SH3RF1: variants seen among roughly 807,000 people sequenced by gnomAD.
The protein encoded by SH3RF1 is SH3 domain containing ring finger 1.
A neutral mutation model predicts 74.0 loss-of-function variants in SH3RF1; 32 were observed. The observed-to-expected ratio is 0.43, with a 90% CI of 0.33 to 0.58. The LOEUF (loss-of-function observed/expected upper bound fraction) is 0.58, where lower values mean the gene tolerates loss of function less well. SH3RF1 is among the 20% of genes least tolerant of loss of function. The pLI is 0.05. For missense variants in SH3RF1, 954 were observed against 1,130.9 expected (o/e 0.84, Z 2.24); for synonymous variants, 396 against 439.6 (o/e 0.90, Z 1.24).
intron 2 of SH3RF1, among the ~76,000 whole-genome samples, chr4:169,216,917 G>A (rs565377109): frequency 5.3e-5 from 8 of 150,928 alleles, no homozygotes; most frequent in East Asian, 2.0e-4. Context: ...TTGGGAGGCC[G>A]AGGCAGGCGG....
chr4:169,144,282 T>G (rs936350382), intron 4 of SH3RF1, among the ~76,000 whole-genome samples: 2 of 152,208 alleles, frequency 1.3e-5, no homozygotes, highest in Non-Finnish European at 2.9e-5. Context: ...ATTTCTCATT[T>G]GTAACATGAA....
intron 2 of SH3RF1, among the ~76,000 whole-genome samples, chr4:169,261,279 G>A (rs921865987): frequency 1.3e-5 from 2 of 152,174 alleles, no homozygotes; most frequent in African/African-American, 2.4e-5. Context: ...CTGCTTTCCT[G>A]GTCCACTGTC....
At chr4:169,259,608 A>G (rs1415551365) in intron 2 of SH3RF1, among the ~76,000 whole-genome samples, 1 of 152,196 alleles carries the variant, frequency 6.6e-6, no homozygotes, top group Non-Finnish European at 1.5e-5. Context: ...GAAAAAACTA[A>G]AAATCAAAAT....
chr4:169,259,319 T>C (rs1731237498), intron 2 of SH3RF1, among the ~76,000 whole-genome samples: 1 of 152,162 alleles, frequency 6.6e-6, no homozygotes. Flanking sequence ...GCTCACTTTT[T>C]TCATGTTTCA....
At chr4:169,242,123 A>C (rs985522412) in intron 2 of SH3RF1, among the ~76,000 whole-genome samples, 15 of 151,572 alleles carry the variant, frequency 9.9e-5, no homozygotes, top group Non-Finnish European at 1.9e-4. Context: ...ATTTCAATTT[A>C]AATTTTTTTT....
intron 6 of SH3RF1, among the ~76,000 whole-genome samples, chr4:169,122,751 G>C (rs1270132591): frequency 1.3e-5 from 2 of 152,096 alleles, no homozygotes; most frequent in East Asian, 3.8e-4. Context: ...TTTGATGCCT[G>C]GTCTACAAAA....
rs75165232 is a variant in SH3RF1, at chr4:169,118,362, C to T, written c.1518-580G>A. ...GATTCAGGTTTAAGATCTTATGATT[C>T]TATTGTTTCATGTGGATTTCTTCTT... On this transcript the variant is annotated intron_variant, in intron 8 of 11. Transcript: ENST00000284637. 2.8e-3 allele frequency among the ~76,000 whole-genome samples: 421 copies of T among 152,302 alleles called. 1 individual carries two copies. Among genetic ancestry groups the T allele is most frequent in the Admixed American group, 5.2e-3 (79 of 15,304 alleles).
chr4:169,203,203 T>C (rs1274761442), intron 2 of SH3RF1, among the ~76,000 whole-genome samples: 1 of 152,168 alleles, frequency 6.6e-6, no homozygotes, highest in African/African-American at 2.4e-5. Flanking sequence ...TCACAGAGTA[T>C]CAACTCATAA....
intron 2 of SH3RF1, among the ~76,000 whole-genome samples, chr4:169,159,086 A>G (rs1226814319): frequency 6.6e-6 from 1 of 152,090 alleles, no homozygotes; most frequent in Non-Finnish European, 1.5e-5. Flanking sequence ...CTGGCCTCCA[A>G]TGGCGTCACT....
At chr4:169,185,286 GA>G (rs1464501354) in intron 2 of SH3RF1, among the ~76,000 whole-genome samples, 1 of 152,190 alleles carries the variant, frequency 6.6e-6, no homozygotes, top group Non-Finnish European at 1.5e-5. Flanking sequence ...AGCCAAGAGA[GA>G]AACAGCGGTG....
At chr4:169,255,328 C>T (rs1731168669) in intron 2 of SH3RF1, among the ~76,000 whole-genome samples, 1 of 152,232 alleles carries the variant, frequency 6.6e-6, no homozygotes, top group South Asian at 2.1e-4. Context: ...ACTGTTGCAG[C>T]ATTTGCAAAA....
chr4:169,267,625 T>C (rs1270705137), intron 2 of SH3RF1, among the ~76,000 whole-genome samples: 1 of 152,212 alleles, frequency 6.6e-6, no homozygotes, highest in African/African-American at 2.4e-5. Flanking sequence ...GAAACTGTTT[T>C]CTGATCAGGT....
At chr4:169,134,104 G>A (rs977415871) in intron 5 of SH3RF1, among the ~76,000 whole-genome samples, 3 of 152,072 alleles carry the variant, frequency 2.0e-5, no homozygotes, top group South Asian at 2.1e-4. Flanking sequence ...TGTAAACCTC[G>A]GCTGGAGAAA....
At chr4:169,262,840 T>C (rs6817130) in intron 2 of SH3RF1, among the ~76,000 whole-genome samples, 144,054 of 152,128 alleles carry the variant, frequency 0.95, 68,709 homozygotes, top group East Asian at 1. Flanking sequence ...CCTTCTACCC[T>C]GTTCAAGATC....
At chr4:169,255,614 T>TACACACACACACACACACACAC (rs1192993515) in intron 2 of SH3RF1, among the ~76,000 whole-genome samples, 1 of 59,076 alleles carries the variant, frequency 1.7e-5, no homozygotes, top group Non-Finnish European at 3.8e-5. Context: ...CACACATACA[T>TACACACACACACACACACACAC]ACACACATAC....
intron 2 of SH3RF1, among the ~76,000 whole-genome samples, chr4:169,251,610 T>C (rs1579163615): frequency 6.6e-6 from 1 of 152,326 alleles, no homozygotes; most frequent in South Asian, 2.1e-4. Context: ...GACAGGTACA[T>C]TTAAGCCTTA....
intron 8 of SH3RF1, among the ~76,000 whole-genome samples, chr4:169,120,334 G>A (rs1403379209): frequency 6.6e-6 from 1 of 152,208 alleles, no homozygotes; most frequent in Non-Finnish European, 1.5e-5. Context: ...GTTTGAGTTT[G>A]AGCACTTCTT....
chr4:169,263,205 A>G (rs1293657768), intron 2 of SH3RF1, among the ~76,000 whole-genome samples: 2 of 151,910 alleles, frequency 1.3e-5, no homozygotes, highest in African/African-American at 4.8e-5. Context: ...TGTCCCAACC[A>G]CTCTGGTCCA....
At position 169,269,313 on chromosome 4, in the gene SH3RF1, G is replaced by GCCTCGGCTCC; in HGVS notation, c.-95-7_-95-6insGGAGCCGAGG. On this transcript the variant is annotated splice_region_variant and splice_polypyrimidine_tract_variant and intron_variant, in intron 1 of 11. Coordinates refer to ENST00000284637, the MANE Select transcript of SH3RF1 (RefSeq NM_020870.4). ...CATCCATTTCAGACTTTGCTCTAGA[G>GCCTCGGCTCC]TCATGGGGAAAAGGGGGAAAAGAGA... 7.8e-7 allele frequency: 1 copy of GCCTCGGCTCC among 1,285,348 alleles called. No homozygotes were observed. The highest frequency in any genetic ancestry group is 1.0e-6 in the Non-Finnish European group (1 of 954,770). 79.6% of individuals were successfully genotyped at this position (1,285,348 alleles called of 1,614,324 possible).
Sources: allele counts gnomAD v4.1 joint callset (sites outside exome capture counted in the v4.1 genomes callset), GRCh38; gene constraint gnomAD v4.1.1; transcripts MANE v1.5; gene names NCBI Gene and HGNC (gene_info 2026-07-23, HGNC 2026-07-21).